The following OR52B4 variants were observed in gnomAD, a reference collection of about 807,000 sequenced individuals.
OR52B4 encodes the protein olfactory receptor family 52 subfamily B member 4.
For missense variants in OR52B4, 450 were observed against 387.0 expected, an observed-to-expected ratio of 1.16 and a Z score of -1.36; for synonymous variants, 182 against 142.3, an observed-to-expected ratio of 1.28 and a Z score of -1.98.
In OR52B4 at chr11:4,368,025, C is replaced by G. The variant is rs757442373; in HGVS notation, c.271G>C (p.Ala91Pro). The G allele has an allele frequency of 4.3e-6, 7 of 1,613,886 alleles. No homozygotes were observed. The highest frequency in any genetic ancestry group is 5.1e-6 in the Non-Finnish European group (6 of 1,180,012). ...CAACGATCCAGGGAGATGTCCCCAG[C>G]ACGGAACCAGAAGATAGCTAAGGCC... is the stretch of plus-strand genomic sequence containing the variant. ...PQALAIFWFR[A>P]GDISLDRCIT... Residue 91 changes from alanine to proline, a missense_variant, in exon 1 of 1, where the codon GCT (alanine) becomes CCT (proline). By Grantham distance (27) the Ala-to-Pro change is conservative. Coordinates refer to ENST00000624801, the MANE Select transcript of OR52B4 (RefSeq NM_001005161.3).
rs1354477794 is a variant in OR52B4 at position 4,367,893 on chromosome 11, T to G, written c.403A>C (p.Thr135Pro). Residue 135 changes from threonine to proline, a missense_variant, in exon 1 of 1, where the codon ACC becomes CCC. Thr to Pro is a conservative substitution (Grantham distance 38, BLOSUM62 -1). Transcript: ENST00000624801. ...ATCAGAGCATTTGTAAGAATGGTGG[T>G]GTACCTCAGTGGGTAGCATATGGCA... Reference protein sequence around the residue: ...YIAICYPLRYTTILTNALIKK... With the variant: ...YIAICYPLRYPTILTNALIKK... 1.2e-6 allele frequency: 2 copies of G among 1,613,974 alleles called. No individual in the cohort carries two copies. The highest frequency in any genetic ancestry group is 8.5e-7 in the Non-Finnish European group (1 of 1,180,002).
In OR52B4 at chr11:4,367,345, C is replaced by T. The variant is rs931226486; in HGVS notation, c.*6G>A. Reference sequence around the variant, plus strand: ...AGATTCTGAAAACTCAGTTCTTAAACCAAAGTTATTTCTGTTTTATAAACA... The same window carrying T: ...AGATTCTGAAAACTCAGTTCTTAAATCAAAGTTATTTCTGTTTTATAAACA... On this transcript the variant is annotated 3_prime_UTR_variant, in exon 1 of 1. Coordinates refer to ENST00000624801, the MANE Select transcript of OR52B4 (RefSeq NM_001005161.3). 3.8e-6 allele frequency: 6 copies of T among 1,585,092 alleles called. No individual in the cohort carries two copies. Among genetic ancestry groups the T allele is most frequent in the Non-Finnish European group, 3.5e-6 (4 of 1,159,214 alleles).
Position 4,367,505 on chromosome 11 carries a change from T to A in OR52B4, c.791A>T (p.Gln264Leu), listed in dbSNP as rs769759354. Residue 264 changes from glutamine to leucine, a missense_variant, in exon 1 of 1, where the codon CAG becomes CTG. Transcript: ENST00000624801. ...YGSGIFTILT[Q>L]RFGRHIPPCI... is the part of the protein sequence containing the mutation. ...AGGTGGAATGTGGCGTCCAAACCTC[T>A]GGGTAAGGATTGTGAAGATGCCAGA... 4.3e-6 allele frequency: 7 copies of A among 1,614,032 alleles called. No homozygotes were observed. Among genetic ancestry groups the A allele is most frequent in the Non-Finnish European group, 5.9e-6 (7 of 1,179,970 alleles).
Position 4,367,726 on chromosome 11 carries a change from T to C in OR52B4, c.570A>G (p.Ala190=), listed in dbSNP as rs1339322584. ...AAATGTTTATTCGAATGTCATTACA[T>C]GCATATTTGGCTAGGCCAATGTGTT... ...FCEHIGLAKY[A]CNDIRINIWY... Residue 190 remains alanine (A), a synonymous_variant, in exon 1 of 1, where the codon GCA becomes GCG. Coordinates refer to ENST00000624801, the MANE Select transcript of OR52B4 (RefSeq NM_001005161.3). 5.0e-6 allele frequency: 8 copies of C among 1,613,692 alleles called. No homozygotes were observed. The highest frequency in any genetic ancestry group is 1.3e-5 in the African/African-American group (1 of 74,904).
Position 4,367,401 on chromosome 11 carries a change from T to G in OR52B4, c.895A>C (p.Lys299Gln), listed in dbSNP as rs1396014400. Reference protein sequence around the residue: ...LNPIIYGIKTKQIQEQVVQFL... With the variant: ...LNPIIYGIKTQQIQEQVVQFL... ...TGAACCACCTGTTCCTGGATTTGCT[T>G]GGTTTTGATCCCATAAATAATGGGA... Residue 299 changes from lysine to glutamine, a missense_variant, in exon 1 of 1, where the codon AAG (lysine) becomes CAG (glutamine). Transcript: ENST00000624801. 6.2e-7 allele frequency: 1 copy of G among 1,610,440 alleles called. No individual in the cohort carries two copies.
chr11:4,367,912 T>C lies in OR52B4; in HGVS notation c.384A>G (p.Ile128Met). ...LVMAFDHYIAICYPLRYTTIL... is the reference protein window; with the variant it reads ...LVMAFDHYIAMCYPLRYTTIL... ...TGGTGGTGTACCTCAGTGGGTAGCA[T>C]ATGGCAATATAGTGGTCAAAGGCCA... The change falls in exon 1 of 1, where the codon ATA (isoleucine) becomes ATG (methionine). Residue 128 changes from isoleucine to methionine, a missense_variant. By Grantham distance (10) the Ile-to-Met change is conservative (BLOSUM62 1). Coordinates refer to ENST00000624801, the MANE Select transcript of OR52B4 (RefSeq NM_001005161.3). The C allele has an allele frequency of 6.2e-7, 1 of 1,614,064 alleles. No homozygotes were observed. The highest frequency in any genetic ancestry group is 8.5e-7 in the Non-Finnish European group (1 of 1,179,986).
rs747510710 is a variant in OR52B4, at chr11:4,367,572, T to C, written c.724A>G (p.Thr242Ala). 2 of 1,613,844 alleles carry C rather than the reference T, an allele frequency of 1.2e-6. No homozygotes were observed. The highest frequency in any genetic ancestry group is 1.7e-6 in the Non-Finnish European group (2 of 1,179,862). Residue 242 changes from threonine (T) to alanine (A), a missense_variant, in exon 1 of 1, where the codon ACA (threonine) becomes GCA (alanine). Transcript: ENST00000624801. The stretch of plus-strand genomic sequence containing the variant: ...ATGATGCAGACATGGGAGCCAAATG[T>C]GTTGAGAGCTTTGTGGCAAGCATCT... ...SPDACHKALN[T>A]FGSHVCIIIL...
Position 4,367,457 on chromosome 11 carries a change from T to A in OR52B4, c.839A>T (p.Asn280Ile). ...IPPCIHIPLANVCILAPPMLN... is the reference protein window; with the variant it reads ...IPPCIHIPLAIVCILAPPMLN... ...CATAGGTGGAGCCAGAATGCAGACA[T>A]TAGCCAACGGGATGTGGATACAAGG... The change falls in exon 1 of 1, where the codon AAT becomes ATT. Residue 280 changes from asparagine (N) to isoleucine (I), a missense_variant. Transcript: ENST00000624801. 6.2e-7 allele frequency: 1 copy of A among 1,613,952 alleles called. No homozygotes were observed. Among genetic ancestry groups the A allele is most frequent in the Non-Finnish European group, 8.5e-7 (1 of 1,179,874 alleles).
In OR52B4 at chr11:4,367,806, G is replaced by A; in HGVS notation, c.490C>T (p.Leu164Phe). 1 of 1,613,798 alleles carries A rather than the reference G, an allele frequency of 6.2e-7. No homozygotes were observed. The highest frequency in any genetic ancestry group is 8.5e-7 in the Non-Finnish European group (1 of 1,179,766). Residue 164 changes from leucine to phenylalanine, a missense_variant, in exon 1 of 1, where the codon CTT becomes TTT. Physicochemically the swap from Leu to Phe is conservative, Grantham distance 22. Transcript: ENST00000624801. ...TGGCAGAAAGTCAATCTTTTTAAAA[G>A]AAATATGATAGGGAAAATTGTACCA... ...SYGTIFPIIF[L>F]LKRLTFCQNN...
chr11:4,367,737 C>T lies in OR52B4; in HGVS notation c.559G>A (p.Ala187Thr), dbSNP rs1362561309. 1 of 1,613,888 alleles carries T rather than the reference C, an allele frequency of 6.2e-7. No homozygotes were observed. Among genetic ancestry groups the T allele is most frequent in the Admixed American group, 1.7e-5 (1 of 59,982 alleles). The change falls in exon 1 of 1, where the codon GCC becomes ACC. Residue 187 changes from alanine (A) to threonine (T), a missense_variant. Transcript: ENST00000624801. Reference sequence around the variant, plus strand: ...CGAATGTCATTACATGCATATTTGGCTAGGCCAATGTGTTCACAAAAGGTG... The same window carrying T: ...CGAATGTCATTACATGCATATTTGGTTAGGCCAATGTGTTCACAAAAGGTG... ...PHTFCEHIGL[A>T]KYACNDIRIN...
chr11:4,367,857 A>T lies in OR52B4; in HGVS notation c.439T>A (p.Cys147Ser). The T allele has an allele frequency of 6.2e-7, 1 of 1,614,114 alleles. No individual in the cohort carries two copies. Among genetic ancestry groups the T allele is most frequent in the South Asian group, 1.1e-5 (1 of 91,084 alleles). Residue 147 changes from cysteine to serine, a missense_variant, in exon 1 of 1, where the codon TGT (cysteine) becomes AGT (serine). Physicochemically the swap from Cys to Ser is moderately radical, Grantham distance 112 (BLOSUM62 -1). Transcript: ENST00000624801. ...TAACTTCTCAGAGAGACAGTCACACAAATTTTCTTGATCAGAGCATTTGTA... is the reference window on the plus strand; with the variant it reads ...TAACTTCTCAGAGAGACAGTCACACTAATTTTCTTGATCAGAGCATTTGTA... Reference protein sequence around the residue: ...ILTNALIKKICVTVSLRSYGT... With the variant: ...ILTNALIKKISVTVSLRSYGT...
chr11:4,367,786 G>A lies in OR52B4; in HGVS notation c.510C>T (p.Phe170=). ...PIIFLLKRLT[F]CQNNIIPHTF... The stretch of plus-strand genomic sequence containing the variant: ...TGTGTGGAATAATATTATTCTGGCA[G>A]AAAGTCAATCTTTTTAAAAGAAATA... The change falls in exon 1 of 1, where the codon TTC becomes TTT. Residue 170 remains phenylalanine (F), a synonymous_variant. Coordinates refer to ENST00000624801, the MANE Select transcript of OR52B4 (RefSeq NM_001005161.3). The A allele has an allele frequency of 3.1e-6, 5 of 1,613,900 alleles. No individual in the cohort carries two copies. The highest frequency in any genetic ancestry group is 3.4e-6 in the Non-Finnish European group (4 of 1,179,832).
rs760492241 is a variant in OR52B4, at chr11:4,367,679, A to G, written c.617T>C (p.Met206Thr). The G allele has an allele frequency of 6.8e-6, 11 of 1,613,878 alleles. No individual in the cohort carries two copies. The highest frequency in any genetic ancestry group is 9.3e-6 in the Non-Finnish European group (11 of 1,179,906). ...TACAACATCTAAGACCACCGTCGAC[A>G]TTAGAATGGAAAACCCATACCAAAT... is the stretch of plus-strand genomic sequence containing the variant. ...INIWYGFSIL[M>T]STVVLDVVLI... The change falls in exon 1 of 1, where the codon ATG becomes ACG. Residue 206 changes from methionine to threonine, a missense_variant. Transcript: ENST00000624801.
rs144482799 is a variant in OR52B4, at chr11:4,367,630, C to A, written c.666G>T (p.Leu222=). 1 of 1,613,998 alleles carries A rather than the reference C, an allele frequency of 6.2e-7. No individual in the cohort carries two copies. ...DVVLIFISYM[L]ILHAVFHMPS... ...GCATGTGGAAGACAGCATGGAGAAT[C>A]AGCATATAGGAAATAAAAATTAGTA... Residue 222 remains leucine (L), a synonymous_variant, in exon 1 of 1, where the codon CTG becomes CTT. Transcript: ENST00000624801.
In OR52B4 at chr11:4,367,747, G is replaced by C; in HGVS notation, c.549C>G (p.His183Gln). The C allele has an allele frequency of 6.2e-7, 1 of 1,613,940 alleles. No homozygotes were observed. The highest frequency in any genetic ancestry group is 2.2e-5 in the East Asian group (1 of 44,882). ...TACATGCATATTTGGCTAGGCCAATGTGTTCACAAAAGGTGTGTGGAATAA... is the reference window on the plus strand; with the variant it reads ...TACATGCATATTTGGCTAGGCCAATCTGTTCACAAAAGGTGTGTGGAATAA... The part of the protein sequence containing the change: ...NNIIPHTFCE[H>Q]IGLAKYACND... Residue 183 changes from histidine to glutamine, a missense_variant, in exon 1 of 1, where the codon CAC becomes CAG. By Grantham distance (24) the His-to-Gln change is conservative. Transcript: ENST00000624801.
rs1161520784 is a variant in OR52B4 at position 4,367,636 on chromosome 11, A to G, written c.660T>C (p.Tyr220=). ...VLDVVLIFIS[Y]MLILHAVFHM... ...GGAAGACAGCATGGAGAATCAGCATATAGGAAATAAAAATTAGTACAACAT... is the reference window on the plus strand; with the variant it reads ...GGAAGACAGCATGGAGAATCAGCATGTAGGAAATAAAAATTAGTACAACAT... Residue 220 remains tyrosine (Y), a synonymous_variant, in exon 1 of 1, where the codon TAT becomes TAC. Transcript: ENST00000624801. 6.2e-7 allele frequency: 1 copy of G among 1,614,094 alleles called. No homozygotes were observed. Among genetic ancestry groups the G allele is most frequent in the Non-Finnish European group, 8.5e-7 (1 of 1,179,996 alleles).
chr11:4,367,763 T>G lies in OR52B4; in HGVS notation c.533A>C (p.His178Pro), dbSNP rs1246329969. 1.2e-6 allele frequency: 2 copies of G among 1,613,862 alleles called. No homozygotes were observed. The highest frequency in any genetic ancestry group is 4.5e-5 in the East Asian group (2 of 44,874). ...LTFCQNNIIPHTFCEHIGLAK... is the reference protein window; with the variant it reads ...LTFCQNNIIPPTFCEHIGLAK... ...TAGGCCAATGTGTTCACAAAAGGTG[T>G]GTGGAATAATATTATTCTGGCAGAA... The change falls in exon 1 of 1, where the codon CAC becomes CCC. Residue 178 changes from histidine to proline, a missense_variant. Physicochemically the swap from His to Pro is moderately conservative, Grantham distance 77. Transcript: ENST00000624801.
At position 4,367,573 on chromosome 11, in the gene OR52B4, G is replaced by C. The variant is rs771446083; in HGVS notation, c.723C>G (p.Asn241Lys). 6.2e-7 allele frequency: 1 copy of C among 1,613,998 alleles called. No homozygotes were observed. The highest frequency in any genetic ancestry group is 8.5e-7 in the Non-Finnish European group (1 of 1,179,896). Residue 241 changes from asparagine (N) to lysine (K), a missense_variant, in exon 1 of 1, where the codon AAC (asparagine) becomes AAG (lysine). Physicochemically the swap from Asn to Lys is moderately conservative, Grantham distance 94. Coordinates refer to ENST00000624801, the MANE Select transcript of OR52B4 (RefSeq NM_001005161.3). ...TGATGCAGACATGGGAGCCAAATGT[G>C]TTGAGAGCTTTGTGGCAAGCATCTG... ...PSPDACHKAL[N>K]TFGSHVCIII...
chr11:4,367,338 TC>T lies in OR52B4; in HGVS notation c.*12del, dbSNP rs777903753. The T allele has an allele frequency of 4.3e-5, 67 of 1,570,076 alleles. 1 individual carries two copies. The South Asian group carries it at 6.4e-4, about 15-fold the overall frequency. ...TAGCTAGAGATTCTGAAAACTCAGT[TC>T]TTAAACCAAAGTTATTTCTGTTTTA... is the stretch of plus-strand genomic sequence containing the variant. On this transcript the variant is annotated 3_prime_UTR_variant, in exon 1 of 1. Transcript: ENST00000624801.
Sources: allele counts gnomAD v4.1 joint callset, GRCh38; gene constraint gnomAD v4.1.1; transcripts MANE v1.5; gene names NCBI Gene and HGNC (gene_info 2026-07-23, HGNC 2026-07-21).